The following NAV2 variants were observed in gnomAD, a reference collection of about 807,000 sequenced individuals.
The protein encoded by NAV2 is neuron navigator 2.
Under a neutral mutation model 223.2 loss-of-function variants are expected in NAV2, and 54 were observed. The ratio of observed to expected loss-of-function variants is 0.24; its 90% CI spans 0.19 to 0.30. The LOEUF (loss-of-function observed/expected upper bound fraction) is 0.30. NAV2 is among the 10% of genes least tolerant of loss of function. NAV2 has a pLI of 1.00. For synonymous variants in NAV2, 1,279 were observed against 1,239.3 expected, an observed-to-expected ratio of 1.03 and a Z score of -0.67; for missense variants, 2,806 against 3,147.5, an observed-to-expected ratio of 0.89 and a Z score of 2.60.
intron 1 of NAV2, among the ~76,000 whole-genome samples, chr11:19,414,143 A>T (rs975773597): frequency 1.3e-5 from 2 of 152,242 alleles, no homozygotes; most frequent in African/African-American, 4.8e-5. Flanking sequence ...TAGAGTGAAG[A>T]CCCATCTATG....
At chr11:20,074,826 A>G (rs1348746297) in intron 22 of NAV2, among the ~76,000 whole-genome samples, 3 of 127,940 alleles carry the variant, frequency 2.3e-5, no homozygotes, top group Non-Finnish European at 4.7e-5. Context: ...TTTTGAGCCT[A>G]TGTCTGTCTT....
intron 1 of NAV2, among the ~76,000 whole-genome samples, chr11:19,759,416 C>G (rs566436461): frequency 6.6e-6 from 1 of 152,142 alleles, no homozygotes; most frequent in East Asian, 1.9e-4. Context: ...ATAATCTTGT[C>G]TAACACACCC....
intron 1 of NAV2, among the ~76,000 whole-genome samples, chr11:19,439,302 GAGGGTGGAGGGT>G (rs1450530605): frequency 6.6e-6 from 1 of 152,116 alleles, no homozygotes; most frequent in Admixed American, 6.5e-5. Flanking sequence ...GGGTCTATAA[GAGGGTGGAGGGT>G]AGGAGGAGAG....
intron 3 of NAV2, among the ~76,000 whole-genome samples, chr11:19,862,597 A>G (rs2061854502): frequency 2.6e-5 from 4 of 152,174 alleles, no homozygotes; most frequent in Admixed American, 2.0e-4. Flanking sequence ...GGAGAATTGG[A>G]AGCACCACCA....
At chr11:19,666,333 C>T (rs1448295760) in intron 1 of NAV2, among the ~76,000 whole-genome samples, 1 of 152,230 alleles carries the variant, frequency 6.6e-6, no homozygotes, top group Non-Finnish European at 1.5e-5. Context: ...TTTGGGATGG[C>T]ATAGAAAGGT....
At chr11:19,610,409 G>A (rs1461909935) in intron 1 of NAV2, among the ~76,000 whole-genome samples, 3 of 152,176 alleles carry the variant, frequency 2.0e-5, no homozygotes, top group Non-Finnish European at 2.9e-5. Context: ...GGTGCCACGG[G>A]CTCATTCATG....
At chr11:19,490,962 T>C (rs1402695694) in intron 1 of NAV2, among the ~76,000 whole-genome samples, 1 of 152,190 alleles carries the variant, frequency 6.6e-6, no homozygotes, top group Non-Finnish European at 1.5e-5. Flanking sequence ...AATATCCTTG[T>C]ACACCTCCAT....
At chr11:19,604,439 G>A (rs917077278) in intron 1 of NAV2, among the ~76,000 whole-genome samples, 2 of 152,128 alleles carry the variant, frequency 1.3e-5, no homozygotes, top group Non-Finnish European at 1.5e-5. Context: ...ATTGGGGTCC[G>A]AGCAACAGGA....
At chr11:19,996,013 G>C (rs2051847536) in intron 11 of NAV2, among the ~76,000 whole-genome samples, 1 of 152,156 alleles carries the variant, frequency 6.6e-6, no homozygotes, top group Non-Finnish European at 1.5e-5. Context: ...GACAGGCTTT[G>C]CATGGTACTC....
intron 1 of NAV2, among the ~76,000 whole-genome samples, chr11:19,468,913 G>A (rs1262993437): frequency 6.6e-6 from 1 of 152,160 alleles, no homozygotes; most frequent in Non-Finnish European, 1.5e-5. Context: ...AAGATATTCT[G>A]GAGACAAAGA....
intron 11 of NAV2, among the ~76,000 whole-genome samples, chr11:20,021,746 C>T (rs1046244453): frequency 3.3e-5 from 5 of 152,226 alleles, no homozygotes; most frequent in Admixed American, 1.3e-4. Context: ...TTCAAGTGGA[C>T]GAGGGCCCTG....
At chr11:19,451,345 C>T (rs865961402) in intron 1 of NAV2, among the ~76,000 whole-genome samples, 19 of 152,268 alleles carry the variant, frequency 1.2e-4, no homozygotes, top group South Asian at 4.2e-4. Flanking sequence ...GCACAGAGTT[C>T]GTCACATCAC....
chr11:19,690,979 G>T (rs551604947), intron 1 of NAV2, among the ~76,000 whole-genome samples: 1 of 152,366 alleles, frequency 6.6e-6, no homozygotes, highest in African/African-American at 2.4e-5. Flanking sequence ...GTTGTCAGCA[G>T]TAAAGCCAAG....
At chr11:19,639,350 G>C (rs2135548270) in intron 1 of NAV2, among the ~76,000 whole-genome samples, 1 of 152,334 alleles carries the variant, frequency 6.6e-6, no homozygotes, top group African/African-American at 2.4e-5. Flanking sequence ...CCCCTGTGTG[G>C]AAGGCACAGC....
chr11:19,519,988 A>G (rs2043591173), intron 1 of NAV2: 1 of 152,214 alleles, frequency 6.6e-6, no homozygotes, highest in African/African-American at 2.4e-5. Context: ...TAGATTAACT[A>G]AGCAAGACGG....
At chr11:19,951,448 A>T (rs958185051) in intron 10 of NAV2, among the ~76,000 whole-genome samples, 4 of 152,160 alleles carry the variant, frequency 2.6e-5, no homozygotes, top group African/African-American at 9.7e-5. Flanking sequence ...TGAATTTCAC[A>T]TAATGTAATC....
intron 4 of NAV2, among the ~76,000 whole-genome samples, chr11:19,871,583 G>A (rs141512929): frequency 3.9e-5 from 6 of 152,246 alleles, no homozygotes; most frequent in African/African-American, 1.4e-4. Flanking sequence ...GTGGTCTTCT[G>A]TGAGACTTGG....
At chr11:19,489,743 G>A (rs928348478) in intron 1 of NAV2, among the ~76,000 whole-genome samples, 1 of 152,162 alleles carries the variant, frequency 6.6e-6, no homozygotes, top group Non-Finnish European at 1.5e-5. Context: ...GAGTCCATCT[G>A]GCTATTGTTA....
intron 1 of NAV2, among the ~76,000 whole-genome samples, chr11:19,402,284 T>C (rs938833253): frequency 6.6e-6 from 1 of 152,210 alleles, no homozygotes; most frequent in Non-Finnish European, 1.5e-5. Flanking sequence ...AAGTTACTTA[T>C]GTTTCTGTGC....
Sources: gnomAD v4.1 joint callset for allele counts (sites outside exome capture counted in the v4.1 genomes callset) on GRCh38, gnomAD v4.1.1 for gene constraint, MANE v1.5 for transcripts, NCBI Gene and HGNC (gene_info 2026-07-23, HGNC 2026-07-21) for gene names.